Variants in C8orf90 observed in about 807,000 individuals in gnomAD.
C8orf90 encodes chromosome 8 open reading frame 90.
At chr8:141,517,716 C>T in the C8orf90 span, among the ~76,000 whole-genome samples, 1 of 152,298 alleles carries the variant, frequency 6.6e-6, no homozygotes, top group Admixed American at 6.5e-5. Flanking sequence ...TTTTCCCATC[C>T]TCATGTTCAT....
chr8:141,518,447 A>C, the C8orf90 span: 5 of 662,272 alleles, frequency 7.5e-6, no homozygotes, highest in African/African-American at 9.5e-5. Flanking sequence ...GACCGCGCAG[A>C]CTTCGACTTC....
chr8:141,515,011 A>C, the C8orf90 span, among the ~76,000 whole-genome samples: 1 of 151,916 alleles, frequency 6.6e-6, no homozygotes, highest in Non-Finnish European at 1.5e-5. Flanking sequence ...TCCCCAGGGA[A>C]GGGGTTGGCT....
At chr8:141,518,472 C>T in the C8orf90 span, 8 of 647,930 alleles carry the variant, frequency 1.2e-5, no homozygotes, top group Admixed American at 2.4e-5. Context: ...TGCGCGGCCC[C>T]GGAGCTTCGC....
At chr8:141,516,908 T>C in the C8orf90 span, among the ~76,000 whole-genome samples, 91 of 152,294 alleles carry the variant, frequency 6.0e-4, no homozygotes, top group African/African-American at 2.1e-3. Context: ...CAGAGGCTCA[T>C]GGAAGGTGAA....
the C8orf90 span, among the ~76,000 whole-genome samples, chr8:141,517,704 C>T: frequency 1.3e-5 from 2 of 152,194 alleles, no homozygotes; most frequent in Non-Finnish European, 2.9e-5. Flanking sequence ...CCCCAGGTGG[C>T]GTTTTCCCAT....
At chr8:141,516,838 G>A in the C8orf90 span, among the ~76,000 whole-genome samples, 1 of 152,182 alleles carries the variant, frequency 6.6e-6, no homozygotes, top group Non-Finnish European at 1.5e-5. Context: ...TGATCAAACA[G>A]GCTGGTCAAT....
the C8orf90 span, among the ~76,000 whole-genome samples, chr8:141,515,162 C>T: frequency 6.6e-6 from 1 of 151,262 alleles, no homozygotes; most frequent in East Asian, 1.9e-4. Flanking sequence ...GGAGGGGCAG[C>T]CAGCCATCCA....
the C8orf90 span, among the ~76,000 whole-genome samples, chr8:141,517,781 C>T: frequency 0.01 from 1,563 of 152,292 alleles, 28 homozygotes; most frequent in African/African-American, 0.036. Context: ...CCATTCTCTG[C>T]ACAGCGGCCG....
chr8:141,514,685 C>T, the C8orf90 span: 42 of 700,482 alleles, frequency 6.0e-5, no homozygotes, highest in East Asian at 3.5e-4. Flanking sequence ...GCCTGTCTCC[C>T]GGGCTGCTGG....
At chr8:141,515,816 C>T in the C8orf90 span, among the ~76,000 whole-genome samples, 7 of 152,364 alleles carry the variant, frequency 4.6e-5, no homozygotes, top group East Asian at 1.2e-3. Context: ...TGAACTCCAC[C>T]TTGCTAATGC....
At chr8:141,518,187 C>G in the C8orf90 span, 5 of 542,876 alleles carry the variant, frequency 9.2e-6, no homozygotes, top group East Asian at 3.5e-5. Flanking sequence ...CCCGCCCTGC[C>G]GGGCGTTCAC....
At chr8:141,518,629 C>G in the C8orf90 span, 5 of 517,248 alleles carry the variant, frequency 9.7e-6, no homozygotes, top group Non-Finnish European at 1.4e-5. Context: ...GCCGCCTTCC[C>G]GGAGCCCGAG....
chr8:141,518,654 C>T, the C8orf90 span: 301 of 543,728 alleles, frequency 5.5e-4, 2 homozygotes, highest in East Asian at 0.01. Flanking sequence ...GCGCTTCCAG[C>T]GACGGCACCC....
chr8:141,514,910 G>T, the C8orf90 span: 1 of 613,294 alleles, frequency 1.6e-6, no homozygotes, highest in Non-Finnish European at 2.9e-6. Flanking sequence ...TGGCAGTGGG[G>T]CTGGGCCAGG....
the C8orf90 span, chr8:141,518,084 T>C: frequency 3.9e-6 from 2 of 510,892 alleles, no homozygotes; most frequent in Middle Eastern, 5.0e-4. Flanking sequence ...AGCTCTGCCT[T>C]TCGAGCTCAT....
chr8:141,517,403 TGAAA>T, the C8orf90 span, among the ~76,000 whole-genome samples: 1 of 75,414 alleles, frequency 1.3e-5, no homozygotes, highest in Admixed American at 1.3e-4. Flanking sequence ...ATTTGCTGAA[TGAAA>T]GAAAGAAAGA....
chr8:141,516,903 G>A, the C8orf90 span, among the ~76,000 whole-genome samples: 77 of 152,304 alleles, frequency 5.1e-4, 1 homozygote, highest in East Asian at 0.01. Flanking sequence ...ATTTTCAGAG[G>A]CTCATGGAAG....
At chr8:141,515,519 C>T in the C8orf90 span, among the ~76,000 whole-genome samples, 1 of 151,686 alleles carries the variant, frequency 6.6e-6, no homozygotes, top group Non-Finnish European at 1.5e-5. Context: ...TGTCCTCTCA[C>T]CCAGCCACCC....
chr8:141,515,844 A>T, the C8orf90 span, among the ~76,000 whole-genome samples: 7 of 152,214 alleles, frequency 4.6e-5, no homozygotes, highest in Non-Finnish European at 1.0e-4. Context: ...TGGCTTCAGC[A>T]GCAAGGAGGC....
Sources: gnomAD v4.1 joint callset for allele counts (sites outside exome capture counted in the v4.1 genomes callset) on GRCh38, gnomAD v4.1.1 for gene constraint, MANE v1.5 for transcripts, NCBI Gene and HGNC (gene_info 2026-07-23, HGNC 2026-07-21) for gene names.